Variants in LASP1 observed in about 807,000 individuals in gnomAD.
LASP1 encodes the protein LIM and SH3 protein 1, also known as LIM and SH3 domain protein 1.
Under a neutral mutation model 38.6 loss-of-function variants are expected in LASP1, and 10 were observed. The observed-to-expected ratio is 0.26, with a 90% CI of 0.16 to 0.44. LASP1 has a LOEUF of 0.44. Ranked by LOEUF, LASP1 falls within the 20% of genes least tolerant of loss-of-function variation. The probability of loss-of-function intolerance (pLI) is 1.00; values close to 1 mark genes in which losing one functional copy is unlikely to be tolerated. For missense variants in LASP1, 243 were observed against 375.7 expected, an observed-to-expected ratio of 0.65 and a Z score of 2.92; for synonymous variants, 132 against 140.8, an observed-to-expected ratio of 0.94 and a Z score of 0.44.
In LASP1 at chr17:38,870,863, C is replaced by T. The variant is rs546228730; in HGVS notation, c.69+605C>T. ...CCCGTTTTTGAACGACCTGCACCCC[C>T]TTGGATTCAGTCGTTAAAGGACTCG... On this transcript the variant is annotated intron_variant, in intron 1 of 6. Coordinates refer to ENST00000318008, the MANE Select transcript of LASP1 (RefSeq NM_006148.4). 6.7e-3 allele frequency among the ~76,000 whole-genome samples: 1,015 copies of T among 152,276 alleles called. 12 individuals carry two copies. Among genetic ancestry groups the T allele is most frequent in the Non-Finnish European group, 0.012 (799 of 67,980 alleles).
At chr17:38,880,464 TC>T (rs1913912047) in intron 2 of LASP1, among the ~76,000 whole-genome samples, 1 of 152,194 alleles carries the variant, frequency 6.6e-6, no homozygotes, top group African/African-American at 2.4e-5. Flanking sequence ...AGGCAGAGGT[TC>T]CCCTGTCTCC....
At chr17:38,878,274 T>G (rs1913841974) in intron 2 of LASP1, 94 bp downstream of exon 2, 1 of 794,308 alleles carries the variant, frequency 1.3e-6, no homozygotes, top group South Asian at 1.5e-5. Flanking sequence ...AAGGTGACAT[T>G]GGCGAACACT....
chr17:38,893,650 G>A (rs1292757081), intron 3 of LASP1, among the ~76,000 whole-genome samples: 1 of 152,138 alleles, frequency 6.6e-6, no homozygotes, highest in Non-Finnish European at 1.5e-5. Flanking sequence ...GTCTGAGACT[G>A]GCCTCAGACT....
intron 3 of LASP1, among the ~76,000 whole-genome samples, chr17:38,896,478 G>A (rs566043757): frequency 6.6e-6 from 1 of 152,314 alleles, no homozygotes; most frequent in East Asian, 1.9e-4. Flanking sequence ...CAACAGGGAG[G>A]GGGAGGCAGA....
intron 3 of LASP1, among the ~76,000 whole-genome samples, chr17:38,893,655 C>G (rs1303374822): frequency 6.6e-6 from 1 of 152,204 alleles, no homozygotes; most frequent in African/African-American, 2.4e-5. Context: ...AGACTGGCCT[C>G]AGACTGTCTT....
intron 2 of LASP1, among the ~76,000 whole-genome samples, chr17:38,885,158 G>A (rs1176203733): frequency 6.6e-6 from 1 of 152,188 alleles, no homozygotes; most frequent in Non-Finnish European, 1.5e-5. Context: ...AGTGCTGGAG[G>A]TGGCTGGGGT....
intron 1 of LASP1, 23 bp downstream of exon 1, chr17:38,870,281 C>A (rs1332247962): frequency 6.2e-7 from 1 of 1,612,292 alleles, no homozygotes; most frequent in Non-Finnish European, 8.5e-7. Context: ...CCGGGAGACG[C>A]GTCTTTGCAA....
Position 38,921,589 on chromosome 17 carries a change from C to T in LASP1, c.*2811C>T, listed in dbSNP as rs984125264. 7 of 232,630 alleles carry T rather than the reference C, an allele frequency of 3.0e-5. No individual in the cohort carries two copies. Among genetic ancestry groups the T allele is most frequent in the Admixed American group, 5.6e-5 (1 of 17,732 alleles). 14.4% of individuals were successfully genotyped at this position (232,630 alleles called of 1,614,324 possible). A position where few individuals can be genotyped will look rare whatever the true frequency, so the allele number is the denominator to read the frequency against. ...GTGTATGTGTGTGAGTGTGTGAAGC[C>T]GCCAGTTCATCTTTTTATATGGGGT... On this transcript the variant is annotated 3_prime_UTR_variant, in exon 7 of 7. Coordinates refer to ENST00000318008, the MANE Select transcript of LASP1 (RefSeq NM_006148.4).
intron 4 of LASP1, among the ~76,000 whole-genome samples, chr17:38,912,404 G>T (rs1040178214): frequency 8.6e-5 from 13 of 151,782 alleles, no homozygotes; most frequent in Non-Finnish European, 1.5e-4. Flanking sequence ...TAGGGCCAGG[G>T]TGCCATAGGG....
intron 3 of LASP1, among the ~76,000 whole-genome samples, chr17:38,897,285 TGCATGC>T (rs1914515466): frequency 6.6e-6 from 1 of 152,238 alleles, no homozygotes; most frequent in Non-Finnish European, 1.5e-5. Flanking sequence ...TGGCCGTGGC[TGCATGC>T]GCATGCGCAG....
At chr17:38,885,733 C>A (rs1260858521) in intron 2 of LASP1, among the ~76,000 whole-genome samples, 1 of 152,192 alleles carries the variant, frequency 6.6e-6, no homozygotes, top group South Asian at 2.1e-4. Context: ...CCTGGTCTGT[C>A]TTAGCACCCA....
At chr17:38,898,047 C>T (rs1914537987) in intron 3 of LASP1, among the ~76,000 whole-genome samples, 1 of 152,234 alleles carries the variant, frequency 6.6e-6, no homozygotes, top group South Asian at 2.1e-4. Context: ...CGGACATTGA[C>T]TGCTAAGCTC....
rs1410483206 is a variant in LASP1 at position 38,918,850 on chromosome 17, T to C, written c.*72T>C. 1 of 1,511,984 alleles carries C rather than the reference T, an allele frequency of 6.6e-7. No homozygotes were observed. The highest frequency in any genetic ancestry group is 1.8e-5 in the Admixed American group (1 of 54,666). 93.7% of individuals were successfully genotyped at this position (1,511,984 alleles called of 1,614,324 possible). On this transcript the variant is annotated 3_prime_UTR_variant, in exon 7 of 7. Coordinates refer to ENST00000318008, the MANE Select transcript of LASP1 (RefSeq NM_006148.4). The surrounding 1 kb of genome is among the most constrained non-coding windows in gnomAD (Gnocchi z 4.4). ...TCCGTCCTGGGCGTGACCCGTCCAT[T>C]CTTCAGTGTCTCTGTTTTTTAAAAC...
At chr17:38,893,638 T>C (rs1914404329) in intron 3 of LASP1, among the ~76,000 whole-genome samples, 1 of 152,172 alleles carries the variant, frequency 6.6e-6, no homozygotes, top group Non-Finnish European at 1.5e-5. Flanking sequence ...ACCAGCTGTG[T>C]GGTCTGAGAC....
intron 2 of LASP1, among the ~76,000 whole-genome samples, chr17:38,879,921 G>A (rs533154419): frequency 6.6e-6 from 1 of 152,288 alleles, no homozygotes; most frequent in African/African-American, 2.4e-5. Flanking sequence ...CAGGTTATCT[G>A]GGTAAAGGAA....
intron 4 of LASP1, among the ~76,000 whole-genome samples, chr17:38,914,034 C>T (rs1335998453): frequency 6.6e-6 from 1 of 151,758 alleles, no homozygotes; most frequent in Non-Finnish European, 1.5e-5. Flanking sequence ...GGACCACTCA[C>T]TTTGGTCTGA....
chr17:38,918,897 A>G lies in LASP1; in HGVS notation c.*119A>G. ...AAACCTGCGACAGCTTGTGATTCCT[A>G]CCCCTCTTCCAGCTTCTTTTGCCAA... On this transcript the variant is annotated 3_prime_UTR_variant, in exon 7 of 7. Transcript: ENST00000318008. This position sits in a 1 kb window ranked among gnomAD's most constrained non-coding sequence, Gnocchi z 4.4. The G allele has an allele frequency of 8.8e-7, 1 of 1,141,196 alleles. No homozygotes were observed. Among genetic ancestry groups the G allele is most frequent in the Non-Finnish European group, 1.2e-6 (1 of 816,154 alleles). The allele number at this position is 1,141,196 out of a possible 1,614,324, so 70.7% of individuals were successfully genotyped here. A position where few individuals can be genotyped will look rare whatever the true frequency, so the allele number is the denominator to read the frequency against.
intron 2 of LASP1, among the ~76,000 whole-genome samples, chr17:38,886,098 C>T (rs1015801249): frequency 4.0e-5 from 6 of 151,846 alleles, no homozygotes; most frequent in African/African-American, 1.5e-4. Flanking sequence ...CTCTCTCTCA[C>T]TCATTCTCTC....
chr17:38,893,830 A>C (rs4794793), intron 3 of LASP1, among the ~76,000 whole-genome samples: 88,695 of 151,980 alleles, frequency 0.58, 26,881 homozygotes, highest in Non-Finnish European at 0.67. Flanking sequence ...GCAGAGCTGG[A>C]GAGAGCTGCC....
Sources: gnomAD v4.1 joint callset for allele counts (sites outside exome capture counted in the v4.1 genomes callset) on GRCh38, gnomAD v4.1.1 for gene constraint, Gnocchi (gnomAD v3.1) non-coding constraint, MANE v1.5 for transcripts, NCBI Gene and HGNC (gene_info 2026-07-23, HGNC 2026-07-21) for gene names.